The following ISM1 variants were observed in gnomAD, a reference collection of about 807,000 sequenced individuals.
ISM1 encodes the protein isthmin-1.
In ISM1, 25 loss-of-function variants were observed where a neutral mutation model predicts 46.3. The observed-to-expected ratio is 0.54, with a 90% CI of 0.39 to 0.75. The LOEUF is 0.75. Among genes scored for constraint, ISM1 ranks in the 30% least tolerant of loss-of-function variants. The probability of loss-of-function intolerance (pLI) is 0.00; values close to 1 mark genes in which losing one functional copy is unlikely to be tolerated. For missense variants in ISM1, 536 were observed against 625.4 expected (o/e 0.86, Z 1.52); for synonymous variants, 255 against 256.7 (o/e 0.99, Z 0.06).
At chr20:13,276,502 G>T (rs1012656694) in intron 2 of ISM1, among the ~76,000 whole-genome samples, 15 of 152,186 alleles carry the variant, frequency 9.9e-5, no homozygotes, top group African/African-American at 3.6e-4. Flanking sequence ...TCTTGGAGCT[G>T]GGGAGATTGT....
chr20:13,253,610 C>A (rs373546161), intron 1 of ISM1, among the ~76,000 whole-genome samples: 9 of 152,152 alleles, frequency 5.9e-5, no homozygotes, highest in African/African-American at 2.2e-4. Context: ...CAAACACCTG[C>A]TGCTGGGCCC....
chr20:13,325,155 G>A, the ISM1 span, among the ~76,000 whole-genome samples: 3 of 152,304 alleles, frequency 2.0e-5, no homozygotes, highest in South Asian at 6.2e-4. Context: ...AGGACAGCCC[G>A]ACAAATGGGG....
chr20:13,285,812 A>C (rs2040285849), intron 3 of ISM1, among the ~76,000 whole-genome samples: 1 of 152,250 alleles, frequency 6.6e-6, no homozygotes, highest in Non-Finnish European at 1.5e-5. Context: ...CAGGGATTCC[A>C]ACACAAGAGA....
intron 1 of ISM1, among the ~76,000 whole-genome samples, chr20:13,226,011 C>T (rs1419416220): frequency 1.3e-5 from 2 of 152,154 alleles, no homozygotes; most frequent in African/African-American, 2.4e-5. Flanking sequence ...AAATCTCAGT[C>T]AGTTTTAGAA....
At chr20:13,310,493 A>C in the ISM1 span, among the ~76,000 whole-genome samples, 3 of 152,260 alleles carry the variant, frequency 2.0e-5, no homozygotes, top group East Asian at 5.8e-4. Context: ...CAGGAAAAAA[A>C]ATGTATTGAC....
chr20:13,237,234 C>A (rs932673892), intron 1 of ISM1, among the ~76,000 whole-genome samples: 2 of 152,206 alleles, frequency 1.3e-5, no homozygotes, highest in African/African-American at 4.8e-5. Context: ...AGCAATTCCA[C>A]CTGAGTATGT....
At chr20:13,263,440 A>T (rs6041975) in intron 1 of ISM1, among the ~76,000 whole-genome samples, 33,677 of 151,504 alleles carry the variant, frequency 0.22, 4,101 homozygotes, top group East Asian at 0.45. Context: ...ATGGTCTAAA[A>T]CTCACTTTAT....
chr20:13,223,531 C>G (rs904888073), intron 1 of ISM1, among the ~76,000 whole-genome samples: 12 of 152,176 alleles, frequency 7.9e-5, no homozygotes, highest in African/African-American at 2.9e-4. Flanking sequence ...CAAATTTTGT[C>G]TCTACCAGGA....
chr20:13,279,810 C>A lies in ISM1; in HGVS notation c.555C>A (p.Asp185Glu). The part of the protein sequence containing the change: ...DQDYKYDSTS[D>E]DSNFLNPPRG... Reference sequence around the variant, plus strand: ...ACTACAAGTACGACAGTACCTCAGACGACAGCAACTTCCTCAACCCCCCCA... The same window carrying A: ...ACTACAAGTACGACAGTACCTCAGAAGACAGCAACTTCCTCAACCCCCCCA... The change falls in exon 3 of 6, where the codon GAC becomes GAA. Residue 185 changes from aspartate (D) to glutamate (E), a missense_variant. Physicochemically the swap from Asp to Glu is conservative, Grantham distance 45. This residue lies in a region of ISM1 where 367 missense variants were observed against 376.1 expected (regional missense o/e 0.98). Coordinates refer to ENST00000262487, the MANE Select transcript of ISM1 (RefSeq NM_080826.2). The A allele has an allele frequency of 6.2e-7, 1 of 1,614,008 alleles. No homozygotes were observed. The highest frequency in any genetic ancestry group is 8.5e-7 in the Non-Finnish European group (1 of 1,179,878).
chr20:13,238,639 A>G (rs527253208), intron 1 of ISM1, among the ~76,000 whole-genome samples: 2 of 152,340 alleles, frequency 1.3e-5, no homozygotes, highest in South Asian at 4.1e-4. Flanking sequence ...AATGTTATTA[A>G]CTTTCCAAGA....
chr20:13,221,942 C>G (rs2039454433), intron 1 of ISM1, 28 bp downstream of exon 1: 2 of 1,313,434 alleles, frequency 1.5e-6, no homozygotes, highest in Non-Finnish European at 1.9e-6. Context: ...GAGGGCCGTG[C>G]GCGGCTGCGG....
At chr20:13,296,833 T>C (rs1048701447) in intron 5 of ISM1, among the ~76,000 whole-genome samples, 1 of 152,106 alleles carries the variant, frequency 6.6e-6, no homozygotes, top group African/African-American at 2.4e-5. Flanking sequence ...ACCTGGCCAA[T>C]GTGGTGAAAC....
chr20:13,290,842 G>A (rs1168338373), intron 4 of ISM1, among the ~76,000 whole-genome samples: 1 of 152,112 alleles, frequency 6.6e-6, no homozygotes, highest in Non-Finnish European at 1.5e-5. Context: ...GTACTCATTC[G>A]ACAGCTATAG....
intron 1 of ISM1, among the ~76,000 whole-genome samples, chr20:13,232,789 TTGAATCCCAGGA>T (rs1218187201): frequency 2.6e-5 from 4 of 152,346 alleles, no homozygotes; most frequent in African/African-American, 9.6e-5. Context: ...CATTTGAAGG[TTGAATCCCAGGA>T]TGATATTTTT....
At chr20:13,309,795 A>G in the ISM1 span, among the ~76,000 whole-genome samples, 1 of 152,290 alleles carries the variant, frequency 6.6e-6, no homozygotes, top group South Asian at 2.1e-4. Context: ...TGTTTCTATA[A>G]GCAAAAAAAC....
downstream of ISM1, among the ~76,000 whole-genome samples, chr20:13,300,873 C>T (rs947716364): frequency 2.0e-5 from 3 of 152,176 alleles, no homozygotes; most frequent in Non-Finnish European, 2.9e-5. Context: ...ACTTTTTGCC[C>T]GCCCAGACCT....
the ISM1 span, among the ~76,000 whole-genome samples, chr20:13,310,486 G>GA: frequency 0.18 from 26,654 of 151,852 alleles, 2,525 homozygotes; most frequent in Admixed American, 0.27. Context: ...AAGGAAACAG[G>GA]AAAAAAAATG....
At chr20:13,282,933 G>A (rs865973681) in intron 3 of ISM1, among the ~76,000 whole-genome samples, 3 of 152,336 alleles carry the variant, frequency 2.0e-5, no homozygotes, top group Middle Eastern at 3.4e-3. Flanking sequence ...ATGAATGAAT[G>A]AGTGATCATT....
chr20:13,319,192 G>A, the ISM1 span, among the ~76,000 whole-genome samples: 1 of 151,842 alleles, frequency 6.6e-6, no homozygotes, highest in Non-Finnish European at 1.5e-5. Flanking sequence ...TGAAACAATA[G>A]TCTATTTTTT....
Sources: gnomAD v4.1 joint callset for allele counts (sites outside exome capture counted in the v4.1 genomes callset) on GRCh38, gnomAD v4.1.1 for gene constraint, gnomAD v4.1.1 regional missense constraint, MANE v1.5 for transcripts, NCBI Gene and HGNC (gene_info 2026-07-23, HGNC 2026-07-21) for gene names.